The following RPIA variants were observed in gnomAD, a reference collection of about 807,000 sequenced individuals.
RPIA encodes the protein ribose-5-phosphate isomerase.
A neutral mutation model predicts 37.8 loss-of-function variants in RPIA; 29 were observed. The observed-to-expected ratio is 0.77, with a 90% CI of 0.57 to 1.05. The LOEUF is 1.05. Ranked by LOEUF, RPIA falls within the 50% of genes least tolerant of loss-of-function variation. The pLI, the probability that RPIA is intolerant of heterozygous loss-of-function variation, is 0.00. For synonymous variants in RPIA, 167 were observed against 157.0 expected (o/e 1.06, Z -0.48); for missense variants, 385 against 413.6 (o/e 0.93, Z 0.60).
chr2:88,716,980 A>G lies in RPIA; in HGVS notation c.403-12298A>G, dbSNP rs1046319045. On this transcript the variant is annotated intron_variant, in intron 3 of 8. Coordinates refer to ENST00000283646, the MANE Select transcript of RPIA (RefSeq NM_144563.3). The stretch of plus-strand genomic sequence containing the variant: ...GTAGAGATACGATTGGACAAAAAGG[A>G]TATGATTTAATGCTAGTAGATACAG... Among the ~76,000 whole-genome samples, 6 of 152,184 alleles carry G rather than the reference A, an allele frequency of 3.9e-5. No homozygotes were observed. In the South Asian group the frequency reaches 8.3e-4, roughly 21 times the overall value.
chr2:88,708,041 C>T (rs1242753254), intron 3 of RPIA, among the ~76,000 whole-genome samples: 1 of 152,140 alleles, frequency 6.6e-6, no homozygotes, highest in Non-Finnish European at 1.5e-5. Context: ...TTAGCAGTTT[C>T]CCTTAAGAGG....
intron 3 of RPIA, among the ~76,000 whole-genome samples, chr2:88,705,748 A>G (rs1425118771): frequency 6.6e-6 from 1 of 152,236 alleles, no homozygotes; most frequent in African/African-American, 2.4e-5. Flanking sequence ...AGCAAAAGAA[A>G]CTATCATCAG....
chr2:88,709,016 A>G (rs1475623833), intron 3 of RPIA, among the ~76,000 whole-genome samples: 5 of 152,190 alleles, frequency 3.3e-5, no homozygotes, highest in African/African-American at 1.2e-4. Flanking sequence ...TGGGCCTCCC[A>G]AAGTGCTGGG....
intron 3 of RPIA, among the ~76,000 whole-genome samples, chr2:88,702,471 A>T (rs574295155): frequency 5.3e-5 from 8 of 152,352 alleles, no homozygotes; most frequent in Middle Eastern, 3.4e-3. Flanking sequence ...GAAAGCAAGG[A>T]GGAACAAGTC....
At chr2:88,701,715 G>T (rs1182409045) in intron 3 of RPIA, among the ~76,000 whole-genome samples, 2 of 18,720 alleles carry the variant, frequency 1.1e-4, no homozygotes. Flanking sequence ...AGAGCAAACT[G>T]GGAGCGTGTC....
rs745883380 is a variant in RPIA, at chr2:88,691,886, G to T, written c.188G>T (p.Gly63Val). The T allele has an allele frequency of 3.8e-6, 6 of 1,596,634 alleles. No individual in the cohort carries two copies. The highest frequency in any genetic ancestry group is 5.1e-6 in the Non-Finnish European group (6 of 1,172,920). ...GGAGNTSTSC[G>V]DSNSICPAPS... ...GCTGGCAACACAAGCACCAGCTGCGGGGACTCCAACAGCATCTGCCCGGCC... is the reference window on the plus strand; with the variant it reads ...GCTGGCAACACAAGCACCAGCTGCGTGGACTCCAACAGCATCTGCCCGGCC... The change falls in exon 1 of 9, where the codon GGG becomes GTG. Residue 63 changes from glycine (G) to valine (V), a missense_variant. Physicochemically the swap from Gly to Val is moderately radical, Grantham distance 109. Transcript: ENST00000283646.
intron 8 of RPIA, among the ~76,000 whole-genome samples, 178 bp from the exon 9 acceptor site, chr2:88,749,803 A>G (rs1228731930): frequency 6.6e-6 from 1 of 151,970 alleles, no homozygotes; most frequent in Non-Finnish European, 1.5e-5. Flanking sequence ...AAGAGGTGGC[A>G]AGAAGAAATT....
intron 3 of RPIA, among the ~76,000 whole-genome samples, chr2:88,702,979 A>G (rs1672849528): frequency 6.6e-6 from 1 of 152,226 alleles, no homozygotes; most frequent in African/African-American, 2.4e-5. Flanking sequence ...CAGGGGCTAC[A>G]GGTCCCACGC....
rs575758633 is a variant in RPIA at position 88,738,413 on chromosome 2, A to T, written c.838+337A>T. ...CCTTTCCTTCCAGGAGCTGGACTAC[A>T]GCCTTTTTTTGTGGGTTCTCTTCTT... is the stretch of plus-strand genomic sequence containing the variant. On this transcript the variant is annotated intron_variant, in intron 8 of 8. Transcript: ENST00000283646. 1.2e-4 allele frequency among the ~76,000 whole-genome samples: 18 copies of T among 152,344 alleles called. No individual in the cohort carries two copies. In the South Asian group the frequency reaches 3.7e-3, roughly 32 times the overall value.
intron 3 of RPIA, among the ~76,000 whole-genome samples, chr2:88,714,207 G>A (rs1462888409): frequency 1.3e-5 from 2 of 150,990 alleles, no homozygotes; most frequent in African/African-American, 4.9e-5. Flanking sequence ...GTTTCACTCT[G>A]TCGCCCAGGA....
intron 3 of RPIA, among the ~76,000 whole-genome samples, chr2:88,710,538 C>T (rs1485106073): frequency 2.0e-5 from 3 of 152,042 alleles, no homozygotes; most frequent in Admixed American, 2.0e-4. Flanking sequence ...AGTAACTATC[C>T]CATTCTTTGT....
chr2:88,750,561 T>C lies in RPIA; in HGVS notation c.*483T>C, dbSNP rs2104156991. The C allele has an allele frequency of 2.4e-6, 1 of 416,508 alleles. No homozygotes were observed. Among genetic ancestry groups the C allele is most frequent in the African/African-American group, 2.0e-5 (1 of 48,872 alleles). The allele number at this position is 416,508 out of a possible 1,614,324, so 25.8% of individuals were successfully genotyped here. A position where few individuals can be genotyped will look rare whatever the true frequency, so the allele number is the denominator to read the frequency against. ...TACCCTCTGATTTGTTTTTAGTTAG[T>C]TTTTATTGTGAGCACACATAGTACC... On this transcript the variant is annotated 3_prime_UTR_variant, in exon 9 of 9. Coordinates refer to ENST00000283646, the MANE Select transcript of RPIA (RefSeq NM_144563.3).
At position 88,750,322 on chromosome 2, in the gene RPIA, A is replaced by G. The variant is rs1673490005; in HGVS notation, c.*244A>G. ...AAATATTCAGTTTTTTAAATGAAGTAGAACTTGAGTTCATGTTTTATATGA... is the reference window on the plus strand; with the variant it reads ...AAATATTCAGTTTTTTAAATGAAGTGGAACTTGAGTTCATGTTTTATATGA... On this transcript the variant is annotated 3_prime_UTR_variant, in exon 9 of 9. Coordinates refer to ENST00000283646, the MANE Select transcript of RPIA (RefSeq NM_144563.3). 2 of 403,102 alleles carry G rather than the reference A, an allele frequency of 5.0e-6. No individual in the cohort carries two copies. The highest frequency in any genetic ancestry group is 8.8e-6 in the Non-Finnish European group (2 of 226,114). The allele number at this position is 403,102 out of a possible 1,614,324, so 25.0% of individuals were successfully genotyped here. A position where few individuals can be genotyped will look rare whatever the true frequency, so the allele number is the denominator to read the frequency against.
At chr2:88,726,645 G>T (rs538976574) in intron 3 of RPIA, among the ~76,000 whole-genome samples, 9 of 152,304 alleles carry the variant, frequency 5.9e-5, no homozygotes, top group African/African-American at 2.2e-4. Flanking sequence ...TAGAGAAGAA[G>T]TAGAGATAAT....
In RPIA at chr2:88,737,259, A is replaced by G. The variant is rs1017344680; in HGVS notation, c.738+583A>G. On this transcript the variant is annotated intron_variant, in intron 7 of 8. Coordinates refer to ENST00000283646, the MANE Select transcript of RPIA (RefSeq NM_144563.3). ...AGTAAACAAATAAGCAAAGACAGCA[A>G]TCCAGAAGCTAACCACAGTTACATA... is the stretch of plus-strand genomic sequence containing the variant. Among the ~76,000 whole-genome samples the G allele has an allele frequency of 2.0e-5, 3 of 152,346 alleles. No individual in the cohort carries two copies. In the East Asian group the frequency reaches 5.8e-4, roughly 29 times the overall value.
intron 3 of RPIA, among the ~76,000 whole-genome samples, chr2:88,721,930 G>T (rs78678074): frequency 0.02 from 2,992 of 149,384 alleles, 146 homozygotes; most frequent in Admixed American, 0.1. Flanking sequence ...TCTCCAGAAA[G>T]ACCATTATAA....
At position 88,736,640 on chromosome 2, in the gene RPIA, G is replaced by T; in HGVS notation, c.702G>T (p.Gly234=). ...PVSRAVSQKF[G]GVVELRMAVN... is the part of the protein sequence containing the mutation. Reference sequence around the variant, plus strand: ...GCCGAGCTGTGAGCCAGAAGTTTGGGGGCGTGGTTGAACTTCGAATGGCTG... The same window carrying T: ...GCCGAGCTGTGAGCCAGAAGTTTGGTGGCGTGGTTGAACTTCGAATGGCTG... The change falls in exon 7 of 9, where the codon GGG becomes GGT. Residue 234 remains glycine, a synonymous_variant. Transcript: ENST00000283646. 6.2e-7 allele frequency: 1 copy of T among 1,613,946 alleles called. No individual in the cohort carries two copies. The highest frequency in any genetic ancestry group is 1.1e-5 in the South Asian group (1 of 91,078).
chr2:88,728,468 G>A (rs1182422894), intron 3 of RPIA, among the ~76,000 whole-genome samples: 1 of 152,174 alleles, frequency 6.6e-6, no homozygotes, highest in African/African-American at 2.4e-5. Flanking sequence ...AGCAGAAAAC[G>A]TTGTGAAGGC....
intron 3 of RPIA, among the ~76,000 whole-genome samples, chr2:88,724,046 A>T (rs1042910664): frequency 6.6e-6 from 1 of 152,198 alleles, no homozygotes; most frequent in Non-Finnish European, 1.5e-5. Context: ...GACTTTGAAT[A>T]GAATGGGAGA....
Sources: allele counts gnomAD v4.1 joint callset (sites outside exome capture counted in the v4.1 genomes callset), GRCh38; gene constraint gnomAD v4.1.1; transcripts MANE v1.5; gene names NCBI Gene and HGNC (gene_info 2026-07-23, HGNC 2026-07-21).